The following FKBP5 variants were observed in gnomAD, a reference collection of about 807,000 sequenced individuals.
FKBP5 encodes the protein FKBP prolyl isomerase 5.
A neutral mutation model predicts 50.5 loss-of-function variants in FKBP5; 23 were observed. The observed-to-expected ratio is 0.46, with a 90% confidence interval of 0.33 to 0.65. The LOEUF (loss-of-function observed/expected upper bound fraction) is 0.65. Ranked by LOEUF, FKBP5 falls within the 30% of genes least tolerant of loss-of-function variation. FKBP5 has a pLI of 0.02. For missense variants in FKBP5, 411 were observed against 553.1 expected (o/e 0.74, Z 2.58); for synonymous variants, 176 against 190.6 (o/e 0.92, Z 0.63).
At chr6:35,589,344 G>C (rs910692556) in intron 7 of FKBP5, among the ~76,000 whole-genome samples, 3 of 151,592 alleles carry the variant, frequency 2.0e-5, no homozygotes, top group African/African-American at 7.3e-5. Context: ...GGCCAGGCTG[G>C]TCTCAAACTC....
chr6:35,631,170 G>A (rs1472095796), intron 3 of FKBP5, among the ~76,000 whole-genome samples: 5 of 152,164 alleles, frequency 3.3e-5, no homozygotes, highest in Admixed American at 1.3e-4. Context: ...TGTTAATAAG[G>A]ATATGAAAAA....
chr6:35,610,421 A>C (rs1001910437), intron 5 of FKBP5, among the ~76,000 whole-genome samples: 1 of 151,720 alleles, frequency 6.6e-6, no homozygotes, highest in African/African-American at 2.4e-5. Flanking sequence ...AAAAAAAATC[A>C]GCTGGGCGTG....
At chr6:35,589,125 TA>T (rs1350523235) in intron 7 of FKBP5, among the ~76,000 whole-genome samples, 1 of 127,986 alleles carries the variant, frequency 7.8e-6, no homozygotes, top group Non-Finnish European at 1.6e-5. Context: ...TATATATATA[TA>T]TATTTTTTTT....
At chr6:35,615,189 G>A (rs1471601829) in intron 5 of FKBP5, among the ~76,000 whole-genome samples, 1 of 134,968 alleles carries the variant, frequency 7.4e-6, no homozygotes, top group Non-Finnish European at 1.7e-5. Flanking sequence ...CACACACAGA[G>A]GCTGATGTAG....
Position 35,591,232 on chromosome 6 carries a change from AGT to A in FKBP5, c.666-14_666-13del. 1.3e-6 allele frequency: 2 copies of A among 1,579,100 alleles called. No homozygotes were observed. Among genetic ancestry groups the A allele is most frequent in the Non-Finnish European group, 1.7e-6 (2 of 1,151,906 alleles). ...CTCCAAAACCATATCTGAAATGGAGAGTAAAAAATAAAACTTTAAAAGGATTG... is the reference window on the plus strand; with the variant it reads ...CTCCAAAACCATATCTGAAATGGAGAAAAAAATAAAACTTTAAAAGGATTG... On this transcript the variant is annotated splice_polypyrimidine_tract_variant and intron_variant, in intron 6 of 10. Transcript: ENST00000357266.
At chr6:35,585,733 C>G in intron 8 of FKBP5, 1 of 976,608 alleles carries the variant, frequency 1.0e-6, no homozygotes, top group Non-Finnish European at 1.2e-6. Context: ...CCAGTACTTA[C>G]TCATACACAA....
In FKBP5 at chr6:35,648,424, A is replaced by T. The variant is rs1194192637; in HGVS notation, c.-19-5581T>A. On this transcript the variant is annotated intron_variant, in intron 1 of 10. Coordinates refer to ENST00000357266, the MANE Select transcript of FKBP5 (RefSeq NM_004117.4). ...GTTCAAACTATAGACATGTGCCACCACACCTAATGTTTTTTTTTTATTATT... is the reference window on the plus strand; with the variant it reads ...GTTCAAACTATAGACATGTGCCACCTCACCTAATGTTTTTTTTTTATTATT... Among the ~76,000 whole-genome samples, 6 of 150,472 alleles carry T rather than the reference A, an allele frequency of 4.0e-5. No homozygotes were observed. In the East Asian group the frequency reaches 1.2e-3, roughly 29 times the overall value.
Position 35,637,138 on chromosome 6 carries a change from A to G in FKBP5, c.126T>C (p.Asn42=). 1 of 1,608,912 alleles carries G rather than the reference A, an allele frequency of 6.2e-7. No individual in the cohort carries two copies. Among genetic ancestry groups the G allele is most frequent in the Non-Finnish European group, 8.5e-7 (1 of 1,178,990 alleles). Residue 42 remains asparagine (N), a synonymous_variant, in exon 3 of 11, where the codon AAT becomes AAC. Transcript: ENST00000357266. ...GVLKIVKRVG[N]GEETPMIGDK... ...CTCCAATCATCGGCGTTTCCTCACCATTCCCCACTCTTTTGACAATCTAGA... is the reference window on the plus strand; with the variant it reads ...CTCCAATCATCGGCGTTTCCTCACCGTTCCCCACTCTTTTGACAATCTAGA...
intron 2 of FKBP5, among the ~76,000 whole-genome samples, chr6:35,708,287 C>T (rs530705249): frequency 1.1e-3 from 162 of 152,252 alleles, no homozygotes; most frequent in South Asian, 4.6e-3. Flanking sequence ...CAGAGTCTCC[C>T]TCTGTCACCC....
At position 35,647,211 on chromosome 6, in the gene FKBP5, AG is replaced by A. The variant is rs1399110747; in HGVS notation, c.-19-4369del. Reference sequence around the variant, plus strand: ...CTGTTTTCAAGTAAGCAGAAAGCAAAGGATTATATTAAAACAAACAAAAAAA... The same window carrying A: ...CTGTTTTCAAGTAAGCAGAAAGCAAAGATTATATTAAAACAAACAAAAAAA... On this transcript the variant is annotated intron_variant, in intron 1 of 10. Transcript: ENST00000357266. 1.1e-4 allele frequency among the ~76,000 whole-genome samples: 16 copies of A among 152,318 alleles called. No individual in the cohort carries two copies. In the East Asian group the frequency reaches 3.1e-3, roughly 29 times the overall value.
Position 35,624,375 on chromosome 6 carries a change from G to A in FKBP5, c.251-4101C>T, listed in dbSNP as rs544714734. On this transcript the variant is annotated intron_variant, in intron 3 of 10. Transcript: ENST00000357266. Reference sequence around the variant, plus strand: ...TGTCTGGCCGGGCACGGTGGCTCACGCCTGTAATCCCAGCTACTTGGGAGG... The same window carrying A: ...TGTCTGGCCGGGCACGGTGGCTCACACCTGTAATCCCAGCTACTTGGGAGG... Among the ~76,000 whole-genome samples, 9 of 152,242 alleles carry A rather than the reference G, an allele frequency of 5.9e-5. No homozygotes were observed. The South Asian group carries it at 6.2e-4, about 11-fold the overall frequency.
At chr6:35,654,209 T>C (rs141785357) in intron 1 of FKBP5, among the ~76,000 whole-genome samples, 93 of 152,354 alleles carry the variant, frequency 6.1e-4, no homozygotes, top group African/African-American at 2.2e-3. Flanking sequence ...ACAATCATTT[T>C]AGAACACTGG....
chr6:35,602,488 C>T (rs921860330), intron 5 of FKBP5, among the ~76,000 whole-genome samples: 2 of 152,034 alleles, frequency 1.3e-5, no homozygotes, highest in Admixed American at 6.6e-5. Context: ...CAGGTTGTGA[C>T]AGGTTACTCC....
chr6:35,631,831 T>C (rs1470800872), intron 3 of FKBP5, among the ~76,000 whole-genome samples: 2 of 151,908 alleles, frequency 1.3e-5, no homozygotes, highest in African/African-American at 4.8e-5. Flanking sequence ...AGTATGCACC[T>C]GTAGTCCCAG....
At chr6:35,647,012 T>A (rs1764648524) in intron 1 of FKBP5, among the ~76,000 whole-genome samples, 1 of 152,220 alleles carries the variant, frequency 6.6e-6, no homozygotes, top group South Asian at 2.1e-4. Flanking sequence ...ACTGTATTGT[T>A]CTCTTTGTTA....
intron 7 of FKBP5, among the ~76,000 whole-genome samples, chr6:35,589,078 TTA>T (rs991971659): frequency 7.3e-6 from 1 of 137,098 alleles, no homozygotes; most frequent in Non-Finnish European, 1.6e-5. Context: ...GTGTATATAT[TTA>T]TATATATATT....
intron 2 of FKBP5, among the ~76,000 whole-genome samples, chr6:35,717,368 G>A (rs1422041213): frequency 3.9e-5 from 6 of 152,208 alleles, no homozygotes; most frequent in East Asian, 1.9e-4. Flanking sequence ...GTGTGCACAC[G>A]TGTGCCTGTG....
At chr6:35,649,428 A>T (rs1247259139) in intron 1 of FKBP5, among the ~76,000 whole-genome samples, 1 of 86,718 alleles carries the variant, frequency 1.2e-5, no homozygotes, top group Non-Finnish European at 2.3e-5. Context: ...GTATTTGGCT[A>T]AAAGGTTTTT....
At chr6:35,576,833 G>GCC (rs1762233571) in intron 10 of FKBP5, among the ~76,000 whole-genome samples, 161 bp downstream of exon 10, 1 of 152,182 alleles carries the variant, frequency 6.6e-6, no homozygotes, top group Non-Finnish European at 1.5e-5. Flanking sequence ...GACTGGAACT[G>GCC]CCCTACTCGA....
Sources: allele counts gnomAD v4.1 joint callset (sites outside exome capture counted in the v4.1 genomes callset), GRCh38; gene constraint gnomAD v4.1.1; transcripts MANE v1.5; gene names NCBI Gene and HGNC (gene_info 2026-07-23, HGNC 2026-07-21).